SELENOP: variants seen among roughly 807,000 people sequenced by gnomAD.
The protein encoded by SELENOP is selenoprotein P, also known as selenoprotein P, plasma, 1.
In SELENOP, 36 loss-of-function variants were observed where a neutral mutation model predicts 41.0. That is an observed-to-expected ratio of 0.88 (90% CI 0.67 to 1.16). The LOEUF (loss-of-function observed/expected upper bound fraction) is 1.16. Ranked by LOEUF, SELENOP falls within the 50% of genes most tolerant of loss-of-function variation. The pLI is 0.00. For missense variants in SELENOP, 440 were observed against 454.2 expected (o/e 0.97, Z 0.28); for synonymous variants, 144 against 150.8 (o/e 0.95, Z 0.33).
intron 1 of SELENOP, among the ~76,000 whole-genome samples, chr5:42,809,530 A>G (rs1389288678): frequency 6.6e-6 from 1 of 152,214 alleles, no homozygotes; most frequent in Non-Finnish European, 1.5e-5. Context: ...ACAAAATTTG[A>G]AAACTGGGAA....
Position 42,800,915 on chromosome 5 carries a change from G to A in SELENOP, c.951C>T (p.Thr317=), listed in dbSNP as rs776369032. The change falls in exon 5 of 5, where the codon ACC becomes ACT. Residue 317 remains threonine, a synonymous_variant. Transcript: ENST00000514985. ...ATGGGAGGTTTTCTTTACACTGTCA[G>A]GTGATTGCAGACCCTGTTTTTTCAA... ...LIFEKTGSAI[T]UQCKENLPSL... 1.2e-6 allele frequency: 2 copies of A among 1,614,204 alleles called. No homozygotes were observed. Among genetic ancestry groups the A allele is most frequent in the South Asian group, 1.1e-5 (1 of 91,090 alleles).
At chr5:42,808,039 C>A in intron 2 of SELENOP, 112 bp downstream of exon 2, 1 of 467,322 alleles carries the variant, frequency 2.1e-6, no homozygotes, top group Middle Eastern at 4.6e-4. Context: ...CATAGTTTTT[C>A]TAAAAGTGTG....
At chr5:42,806,845 T>C (rs1427789529) in intron 3 of SELENOP, 51 bp downstream of exon 3, 2 of 1,034,392 alleles carry the variant, frequency 1.9e-6, no homozygotes, top group Non-Finnish European at 1.5e-6. Flanking sequence ...AATAAATAGA[T>C]ACGAAACAGT....
Position 42,800,971 on chromosome 5 carries a change from T to C in SELENOP, c.895A>G (p.Ser299Gly). ...AGATGTCGACAATGGCAGCATCAGC[T>C]CCTAGGAGCCAACTCTGAATCTGTG... The part of the protein sequence containing the change: ...LPTDSELAPR[S>G]UCCHCRHLIF... The change falls in exon 5 of 5, where the codon AGC (serine) becomes GGC (glycine). Residue 299 changes from serine to glycine, a missense_variant. Transcript: ENST00000514985. 2 of 1,614,220 alleles carry C rather than the reference T, an allele frequency of 1.2e-6. No homozygotes were observed. Among genetic ancestry groups the C allele is most frequent in the Non-Finnish European group, 1.7e-6 (2 of 1,180,036 alleles).
chr5:42,805,488 A>G (rs1358404174), intron 3 of SELENOP: 1 of 152,228 alleles, frequency 6.6e-6, no homozygotes, highest in Non-Finnish European at 1.5e-5. Flanking sequence ...AGAGTCAAAA[A>G]AAACAAAGCA....
rs373471368 is a variant in SELENOP, at chr5:42,808,217, T to C, written c.137A>G (p.Asn46Ser). ...AAGAGCAACCACAGTCACTGAACCA[T>C]TGGAGTTTAGCATTGGATCTTGATC... ...IRDQDPMLNS[N>S]GSVTVVALLQ... Residue 46 changes from asparagine to serine, a missense_variant, in exon 2 of 5, where the codon AAT becomes AGT. Coordinates refer to ENST00000514985, the MANE Select transcript of SELENOP (RefSeq NM_005410.4). 71 of 1,588,708 alleles carry C rather than the reference T, an allele frequency of 4.5e-5. No homozygotes were observed. Among genetic ancestry groups the C allele is most frequent in the Non-Finnish European group, 5.6e-5 (65 of 1,168,238 alleles).
rs1760345751 is a variant in SELENOP at position 42,807,017 on chromosome 5, T to C, written c.295A>G (p.Lys99Glu). 5 of 1,593,964 alleles carry C rather than the reference T, an allele frequency of 3.1e-6. No individual in the cohort carries two copies. The highest frequency in any genetic ancestry group is 3.5e-4 in the Middle Eastern group (2 of 5,742). Residue 99 changes from lysine to glutamate, a missense_variant, in exon 3 of 5, where the codon AAA (lysine) becomes GAA (glutamate). Physicochemically the swap from Lys to Glu is moderately conservative, Grantham distance 56. Transcript: ENST00000514985. ...ACCTTATTCTTAAGATGTGTGTATT[T>C]TAATCGAGAAGAGATTCCTTGATGA... The part of the protein sequence containing the change: ...VNHQGISSRL[K>E]YTHLKNKVSE...
intron 3 of SELENOP, 83 bp from the exon 4 acceptor site, chr5:42,804,856 T>G: frequency 1.1e-6 from 1 of 879,518 alleles, no homozygotes. Context: ...ATAGGTATTA[T>G]AGGTTTAATG....
In SELENOP at chr5:42,804,720, G is replaced by A. The variant is rs764423932; in HGVS notation, c.470C>T (p.Pro157Leu). The A allele has an allele frequency of 5.0e-6, 8 of 1,611,444 alleles. No individual in the cohort carries two copies. The South Asian group carries it at 8.8e-5, about 18-fold the overall frequency. ...AATCTTAATGGCTTCTTCTACATAT[G>A]GGAAAGTTAGGAAGGAAAAAGGCAA... ...LGLPFSFLTF[P>L]YVEEAIKIAY... Residue 157 changes from proline (P) to leucine (L), a missense_variant, in exon 4 of 5, where the codon CCA (proline) becomes CTA (leucine). Pro to Leu is a moderately conservative substitution (Grantham distance 98, BLOSUM62 -3). Coordinates refer to ENST00000514985, the MANE Select transcript of SELENOP (RefSeq NM_005410.4).
At chr5:42,804,065 A>G (rs929502425) in intron 4 of SELENOP, among the ~76,000 whole-genome samples, 2 of 152,220 alleles carry the variant, frequency 1.3e-5, no homozygotes, top group Non-Finnish European at 2.9e-5. Context: ...ACTTATGCCC[A>G]TGCAACGTCA....
Position 42,808,144 on chromosome 5 carries a change from G to T in SELENOP, c.203+7C>A, listed in dbSNP as rs369453967. The T allele has an allele frequency of 2.0e-6, 3 of 1,470,408 alleles. No homozygotes were observed. The highest frequency in any genetic ancestry group is 2.7e-6 in the Non-Finnish European group (3 of 1,101,332). The allele number at this position is 1,470,408 out of a possible 1,614,324, so 91.1% of individuals were successfully genotyped here. A position where few individuals can be genotyped will look rare whatever the true frequency, so the allele number is the denominator to read the frequency against. On this transcript the variant is annotated splice_region_variant and intron_variant, in intron 2 of 4. Transcript: ENST00000514985. ...AGGTATTTTAAGCCACAGAAAGACT[G>T]TCTTACTTAGATGCCTGCAGTATGC...
chr5:42,804,689 G>A lies in SELENOP; in HGVS notation c.501C>T (p.Tyr167=). The change falls in exon 4 of 5, where the codon TAC becomes TAT. Residue 167 remains tyrosine (Y), a synonymous_variant. Transcript: ENST00000514985. ...PYVEEAIKIA[Y]CEKKCGNCSL... is the part of the protein sequence containing the mutation. ...AGCAGTTTCCACATTTCTTTTCACA[G>A]TAAGCAATCTTAATGGCTTCTTCTA... 3 of 1,603,418 alleles carry A rather than the reference G, an allele frequency of 1.9e-6. No individual in the cohort carries two copies. The highest frequency in any genetic ancestry group is 2.6e-6 in the Non-Finnish European group (3 of 1,172,490).
intron 1 of SELENOP, among the ~76,000 whole-genome samples, chr5:42,809,494 G>A (rs1760414915): frequency 6.6e-6 from 1 of 152,334 alleles, no homozygotes; most frequent in South Asian, 2.1e-4. Flanking sequence ...TCATTTTGAT[G>A]TAAGAATCTG....
At position 42,804,748 on chromosome 5, in the gene SELENOP, C is replaced by G. The variant is rs1579733622; in HGVS notation, c.442G>C (p.Gly148Arg). 6.2e-7 allele frequency: 1 copy of G among 1,606,200 alleles called. No homozygotes were observed. The highest frequency in any genetic ancestry group is 8.5e-7 in the Non-Finnish European group (1 of 1,174,066). The change falls in exon 4 of 5, where the codon GGT (glycine) becomes CGT (arginine). Residue 148 changes from glycine (G) to arginine (R), a missense_variant. Coordinates refer to ENST00000514985, the MANE Select transcript of SELENOP (RefSeq NM_005410.4). ...DRCGRLVYHL[G>R]LPFSFLTFPY... ...AAAGTTAGGAAGGAAAAAGGCAAAC[C>G]AAGATGATATACAAGACGGCCACAT... is the stretch of plus-strand genomic sequence containing the variant.
rs1294748328 is a variant in SELENOP at position 42,800,284 on chromosome 5, CT to C, written c.*435del. On this transcript the variant is annotated 3_prime_UTR_variant, in exon 5 of 5. Coordinates refer to ENST00000514985, the MANE Select transcript of SELENOP (RefSeq NM_005410.4). ...TCTGGATCTTAAAATACAAAATCCACTTATTTTATTAGTTAAAAGTAGAAGA... is the reference window on the plus strand; with the variant it reads ...TCTGGATCTTAAAATACAAAATCCACTATTTTATTAGTTAAAAGTAGAAGA... 2 of 157,084 alleles carry C rather than the reference CT, an allele frequency of 1.3e-5. No homozygotes were observed. The highest frequency in any genetic ancestry group is 4.8e-5 in the African/African-American group (2 of 41,554). 9.7% of individuals were successfully genotyped at this position (157,084 alleles called of 1,614,324 possible). A position where few individuals can be genotyped will look rare whatever the true frequency, so the allele number is the denominator to read the frequency against.
intron 4 of SELENOP, among the ~76,000 whole-genome samples, chr5:42,802,815 T>C (rs894692085): frequency 6.6e-6 from 1 of 152,320 alleles, no homozygotes; most frequent in African/African-American, 2.4e-5. Flanking sequence ...TTCACCATGT[T>C]GGCCAGGATG....
At chr5:42,806,596 T>A in intron 3 of SELENOP, 1 of 235,620 alleles carries the variant, frequency 4.2e-6, no homozygotes, top group Non-Finnish European at 8.4e-6. Flanking sequence ...AGGAAGAATG[T>A]GGGAGGAAGA....
chr5:42,801,589 T>C (rs1760204383), intron 4 of SELENOP: 1 of 456,508 alleles, frequency 2.2e-6, no homozygotes, highest in Non-Finnish European at 3.8e-6. Context: ...GAACTTGGAT[T>C]GCAGGAAAGT....
intron 3 of SELENOP, chr5:42,805,572 A>G (rs948421752): frequency 1.1e-4 from 16 of 151,540 alleles, no homozygotes; most frequent in Admixed American, 8.0e-4. Flanking sequence ...TTATTTGTTC[A>G]TAGAATCAAA....
Sources: allele counts gnomAD v4.1 joint callset (sites outside exome capture counted in the v4.1 genomes callset), GRCh38; gene constraint gnomAD v4.1.1; transcripts MANE v1.5; gene names NCBI Gene and HGNC (gene_info 2026-07-23, HGNC 2026-07-21).